The following GRHL2 variants were observed in gnomAD, a reference collection of about 807,000 sequenced individuals.
GRHL2 encodes the protein grainyhead-like protein 2 homolog.
Under a neutral mutation model 83.8 loss-of-function variants are expected in GRHL2, and 21 were observed. The observed-to-expected ratio is 0.25, with a 90% CI of 0.18 to 0.36. The LOEUF is 0.36. Among genes scored for constraint, GRHL2 ranks in the 10% least tolerant of loss-of-function variants. The pLI, the probability that GRHL2 is intolerant of heterozygous loss-of-function variation, is 1.00. For synonymous variants in GRHL2, 280 were observed against 278.9 expected (o/e 1.00, Z -0.04); for missense variants, 623 against 781.8 (o/e 0.80, Z 2.42).
intron 1 of GRHL2, among the ~76,000 whole-genome samples, chr8:101,518,002 C>T (rs1810606353): frequency 6.6e-6 from 1 of 152,120 alleles, no homozygotes; most frequent in Non-Finnish European, 1.5e-5. Flanking sequence ...CATGTAACTG[C>T]AGGGTTCTAG....
rs117862201 is a variant in GRHL2, at chr8:101,513,787, C to T, written c.20+20998C>T. 6.7e-3 allele frequency among the ~76,000 whole-genome samples: 1,017 copies of T among 152,156 alleles called. 39 individuals carry two copies. In the East Asian group the frequency reaches 0.1, roughly 16 times the overall value. ...CTGGGATTACACACGTGAGCTATCGCGCCTGGCCATTGTGCATTTTGATAT... is the reference window on the plus strand; with the variant it reads ...CTGGGATTACACACGTGAGCTATCGTGCCTGGCCATTGTGCATTTTGATAT... On this transcript the variant is annotated intron_variant, in intron 1 of 15. Coordinates refer to ENST00000646743, the MANE Select transcript of GRHL2 (RefSeq NM_024915.4).
chr8:101,552,813 C>G (rs1174969148), intron 3 of GRHL2, 31 bp downstream of exon 3: 1 of 1,596,118 alleles, frequency 6.3e-7, no homozygotes, highest in South Asian at 1.1e-5. Context: ...CCCAGAATAA[C>G]TCTATGTTTT....
chr8:101,517,582 T>A (rs1349789340), intron 1 of GRHL2, among the ~76,000 whole-genome samples: 2 of 152,234 alleles, frequency 1.3e-5, no homozygotes, highest in African/African-American at 4.8e-5. Flanking sequence ...CCTTGGGCAA[T>A]ATTCCAACAG....
chr8:101,657,834 A>AC (rs1009722409), intron 14 of GRHL2, among the ~76,000 whole-genome samples: 22 of 151,662 alleles, frequency 1.5e-4, no homozygotes, highest in African/African-American at 4.8e-4. Context: ...AGCGAAACAA[A>AC]AAAAAAAAAG....
chr8:101,507,211 A>G (rs1237386698), intron 1 of GRHL2, among the ~76,000 whole-genome samples: 3 of 150,966 alleles, frequency 2.0e-5, no homozygotes, highest in African/African-American at 4.9e-5. Flanking sequence ...AATCCTGGCT[A>G]TCATTTCAAC....
chr8:101,624,550 C>CAGTACACAGTAGAACAGTTCAG (rs1404357818), intron 9 of GRHL2, among the ~76,000 whole-genome samples: 1 of 8,444 alleles, frequency 1.2e-4, no homozygotes, highest in Non-Finnish European at 9.8e-4. Context: ...CACAGTAGGA[C>CAGTACACAGTAGAACAGTTCAG]AGTACACAGT....
At chr8:101,557,455 C>T (rs2130172148) in intron 3 of GRHL2, among the ~76,000 whole-genome samples, 1 of 152,146 alleles carries the variant, frequency 6.6e-6, no homozygotes, top group Non-Finnish European at 1.5e-5. Flanking sequence ...AACTCCTGAC[C>T]ACAGGTGATT....
chr8:101,609,705 C>T (rs761054407), intron 8 of GRHL2, among the ~76,000 whole-genome samples: 7 of 150,716 alleles, frequency 4.6e-5, no homozygotes, highest in Non-Finnish European at 4.4e-5. Context: ...AAGCAAGATG[C>T]AGACCTGTGT....
At chr8:101,584,927 G>A (rs1812132560) in intron 7 of GRHL2, among the ~76,000 whole-genome samples, 1 of 152,096 alleles carries the variant, frequency 6.6e-6, no homozygotes, top group East Asian at 1.9e-4. Flanking sequence ...AGGTGACCAG[G>A]TAGCCAAGTG....
chr8:101,544,967 TA>T (rs1811230346), intron 2 of GRHL2, among the ~76,000 whole-genome samples: 1 of 152,158 alleles, frequency 6.6e-6, no homozygotes, highest in Non-Finnish European at 1.5e-5. Flanking sequence ...CAGAGTTTTC[TA>T]AAATTACACA....
intron 11 of GRHL2, among the ~76,000 whole-genome samples, chr8:101,633,700 A>C (rs1813231204): frequency 6.6e-6 from 1 of 152,154 alleles, no homozygotes; most frequent in African/African-American, 2.4e-5. Flanking sequence ...AGAATTTTAT[A>C]ATTTATCAAG....
At chr8:101,511,938 A>G (rs1213855385) in intron 1 of GRHL2, among the ~76,000 whole-genome samples, 2 of 152,162 alleles carry the variant, frequency 1.3e-5, no homozygotes, top group Non-Finnish European at 2.9e-5. Context: ...TAAGCAATAC[A>G]TAATATTTCC....
At chr8:101,626,439 A>G (rs1813081265) in intron 9 of GRHL2, among the ~76,000 whole-genome samples, 1 of 152,120 alleles carries the variant, frequency 6.6e-6, no homozygotes, top group South Asian at 2.1e-4. Flanking sequence ...CTATGTGTGT[A>G]TCTTTATGCT....
intron 7 of GRHL2, among the ~76,000 whole-genome samples, chr8:101,581,089 C>A (rs981953526): frequency 9.2e-5 from 14 of 152,206 alleles, no homozygotes; most frequent in Non-Finnish European, 1.3e-4. Flanking sequence ...TGGCACCCAC[C>A]AGGCCCTGTC....
chr8:101,554,306 C>G (rs1811446963), intron 3 of GRHL2, among the ~76,000 whole-genome samples: 1 of 152,328 alleles, frequency 6.6e-6, no homozygotes, highest in African/African-American at 2.4e-5. Flanking sequence ...GGCCCTAAAA[C>G]TTTTCCTTGA....
chr8:101,611,865 G>A (rs539093449), intron 8 of GRHL2, among the ~76,000 whole-genome samples: 1 of 150,864 alleles, frequency 6.6e-6, no homozygotes, highest in South Asian at 2.1e-4. Flanking sequence ...TTTCCATTAG[G>A]GTGATCTCTC....
intron 1 of GRHL2, among the ~76,000 whole-genome samples, chr8:101,530,289 A>T (rs749344074): frequency 6.6e-6 from 1 of 152,168 alleles, no homozygotes; most frequent in Admixed American, 6.5e-5. Context: ...GGCTGTAAAC[A>T]TTAGAGGTAA....
intron 5 of GRHL2, among the ~76,000 whole-genome samples, chr8:101,572,773 G>GA (rs1488613889): frequency 1.3e-5 from 2 of 152,030 alleles, no homozygotes; most frequent in African/African-American, 2.4e-5. Flanking sequence ...TCGAAGTTGG[G>GA]AAAAATCAGT....
intron 1 of GRHL2, among the ~76,000 whole-genome samples, chr8:101,541,267 G>C (rs566204010): frequency 6.6e-6 from 1 of 151,618 alleles, no homozygotes; most frequent in East Asian, 1.9e-4. Flanking sequence ...ATTGTGAATT[G>C]TGCTGTAATA....
Sources: gnomAD v4.1 joint callset for allele counts (sites outside exome capture counted in the v4.1 genomes callset) on GRCh38, gnomAD v4.1.1 for gene constraint, MANE v1.5 for transcripts, NCBI Gene and HGNC (gene_info 2026-07-23, HGNC 2026-07-21) for gene names.